TMEM175: variants seen among roughly 807,000 people sequenced by gnomAD.
TMEM175 encodes the protein transmembrane protein 175, also known as endosomal/lysosomal proton channel TMEM175.
Under a neutral mutation model 36.5 loss-of-function variants are expected in TMEM175, and 36 were observed. That is an observed-to-expected ratio of 0.99 (90% CI 0.76 to 1.30). The LOEUF is 1.30. Among genes scored for constraint, TMEM175 ranks in the 50% most tolerant of loss-of-function variants. The pLI, the probability that TMEM175 is intolerant of heterozygous loss-of-function variation, is 0.00. For missense variants in TMEM175, 705 were observed against 692.8 expected, an observed-to-expected ratio of 1.02 and a Z score of -0.20; for synonymous variants, 339 against 313.4, an observed-to-expected ratio of 1.08 and a Z score of -0.86.
At position 948,384 on chromosome 4, in the gene TMEM175, C is replaced by T. The variant is rs752665291; in HGVS notation, c.192+230C>T. On this transcript the variant is annotated intron_variant, in intron 3 of 10. Transcript: ENST00000264771. Reference sequence around the variant, plus strand: ...CCTCCTGGGAGGGTGGGAGACTGGGCTCCTAGGGCTCTGTTTCCGAGTTCA... The same window carrying T: ...CCTCCTGGGAGGGTGGGAGACTGGGTTCCTAGGGCTCTGTTTCCGAGTTCA... 3.2e-5 allele frequency: 49 copies of T among 1,530,478 alleles called. No homozygotes were observed. The South Asian group carries it at 4.8e-4, about 15-fold the overall frequency. 94.8% of individuals were successfully genotyped at this position (1,530,478 alleles called of 1,614,324 possible).
intron 1 of TMEM175, among the ~76,000 whole-genome samples, chr4:939,809 A>G (rs73209888): frequency 0.034 from 5,135 of 152,350 alleles, 132 homozygotes; most frequent in Non-Finnish European, 0.054. Context: ...CTAAAACTAT[A>G]AAACTCATGG....
At chr4:948,346 G>C in intron 3 of TMEM175, 192 bp downstream of exon 3, 1 of 1,536,034 alleles carries the variant, frequency 6.5e-7, no homozygotes, top group Non-Finnish European at 8.7e-7. Flanking sequence ...GCTCACCCCG[G>C]CGGAGGTCCT....
chr4:933,621 GAC>G, intron 1 of TMEM175, among the ~76,000 whole-genome samples: 1 of 152,308 alleles, frequency 6.6e-6, no homozygotes, highest in East Asian at 1.9e-4. Flanking sequence ...CTTGAGGTAA[GAC>G]ACAGTCATTT....
chr4:957,548 C>T (rs776033425), intron 10 of TMEM175, among the ~76,000 whole-genome samples: 66 of 152,376 alleles, frequency 4.3e-4, no homozygotes, highest in Middle Eastern at 3.4e-3. Flanking sequence ...CAGCCCAGGG[C>T]CCCCAGCAGC....
At chr4:954,445 A>T (rs1415113999) in intron 8 of TMEM175, among the ~76,000 whole-genome samples, 1 of 152,184 alleles carries the variant, frequency 6.6e-6, no homozygotes, top group East Asian at 1.9e-4. Context: ...GAGAGGGAGA[A>T]GGCAACAAAA....
In TMEM175 at chr4:947,714, T is replaced by G; in HGVS notation, c.-26T>G. ...AGACCTGCCTTTCCTCCCAGGCTCC[T>G]GTAACCGCCAGGCAGCGGCCCCGCC... On this transcript the variant is annotated 5_prime_UTR_variant, in exon 2 of 11. Coordinates refer to ENST00000264771, the MANE Select transcript of TMEM175 (RefSeq NM_032326.4). 1 of 1,580,672 alleles carries G rather than the reference T, an allele frequency of 6.3e-7. No individual in the cohort carries two copies. Among genetic ancestry groups the G allele is most frequent in the Non-Finnish European group, 8.6e-7 (1 of 1,162,260 alleles).
chr4:936,888 C>T (rs550566931), intron 1 of TMEM175, among the ~76,000 whole-genome samples: 2 of 151,606 alleles, frequency 1.3e-5, no homozygotes, highest in African/African-American at 2.4e-5. Context: ...ACCAGAGAGT[C>T]GGAGGTTGCA....
chr4:957,281 C>T (rs189983528), intron 10 of TMEM175, among the ~76,000 whole-genome samples: 7 of 152,330 alleles, frequency 4.6e-5, no homozygotes, highest in Admixed American at 1.3e-4. Context: ...ACACTGTTCC[C>T]GGCTTTCTGG....
chr4:952,038 T>C, intron 6 of TMEM175: 1 of 583,286 alleles, frequency 1.7e-6, no homozygotes, highest in South Asian at 2.0e-5. Context: ...CCTGTACTAC[T>C]CAGGCTGTGA....
intron 1 of TMEM175, among the ~76,000 whole-genome samples, chr4:936,982 A>G (rs1470677410): frequency 6.6e-6 from 1 of 152,114 alleles, no homozygotes; most frequent in Non-Finnish European, 1.5e-5. Context: ...ATTGTGTTGT[A>G]TGAAAGGATG....
intron 1 of TMEM175, among the ~76,000 whole-genome samples, chr4:940,255 C>G (rs1166788056): frequency 6.6e-6 from 1 of 152,106 alleles, no homozygotes; most frequent in African/African-American, 2.4e-5. Flanking sequence ...TCGAGACCAG[C>G]CTGGCCAACA....
At chr4:938,894 T>G (rs575808890) in intron 1 of TMEM175, among the ~76,000 whole-genome samples, 25 of 152,342 alleles carry the variant, frequency 1.6e-4, no homozygotes, top group Middle Eastern at 3.4e-3. Flanking sequence ...ATTCTAAAAT[T>G]TACTTGGCTC....
At chr4:949,647 G>T (rs1432101791) in intron 3 of TMEM175, among the ~76,000 whole-genome samples, 3 of 151,088 alleles carry the variant, frequency 2.0e-5, no homozygotes, top group African/African-American at 7.4e-5. Context: ...AGAACCAAGG[G>T]AGACAGTAAA....
At position 957,911 on chromosome 4, in the gene TMEM175, C is replaced by T; in HGVS notation, c.930C>T (p.Phe310=). The change falls in exon 11 of 11, where the codon TTC becomes TTT. Residue 310 remains phenylalanine (F), a synonymous_variant. Coordinates refer to ENST00000264771, the MANE Select transcript of TMEM175 (RefSeq NM_032326.4). ...VAALSATGPR[F]LAYFGSFATV... ...CCCTGAGTGCGACCGGGCCGCGCTT[C>T]CTGGCGTACTTCGGCTCCTTCGCCA... The T allele has an allele frequency of 6.2e-7, 1 of 1,612,902 alleles. No homozygotes were observed. Among genetic ancestry groups the T allele is most frequent in the Non-Finnish European group, 8.5e-7 (1 of 1,179,980 alleles).
chr4:954,525 G>T (rs893432948), intron 8 of TMEM175, among the ~76,000 whole-genome samples: 1 of 152,216 alleles, frequency 6.6e-6, no homozygotes, highest in Admixed American at 6.5e-5. Context: ...TGTAGCTGCC[G>T]TGAGTGGCGC....
At chr4:933,445 C>A (rs1048505471) in intron 1 of TMEM175, among the ~76,000 whole-genome samples, 3 of 152,050 alleles carry the variant, frequency 2.0e-5, no homozygotes, top group African/African-American at 7.2e-5. Flanking sequence ...AGGCGGGCGC[C>A]ACTGTACCCT....
At chr4:942,448 C>T (rs903245980) in intron 1 of TMEM175, among the ~76,000 whole-genome samples, 1 of 152,154 alleles carries the variant, frequency 6.6e-6, no homozygotes, top group Non-Finnish European at 1.5e-5. Flanking sequence ...CGAGTGGTCT[C>T]GGCATCCTTG....
In TMEM175 at chr4:947,672, G is replaced by A. The variant is rs780575290; in HGVS notation, c.-31-37G>A. On this transcript the variant is annotated intron_variant, in intron 1 of 10. Coordinates refer to ENST00000264771, the MANE Select transcript of TMEM175 (RefSeq NM_032326.4). The stretch of plus-strand genomic sequence containing the variant: ...GGCTGCATGGCCGACCTCCAGGAGC[G>A]CCCCACAGGCACACTCAGACCTGCC... 372 of 1,525,518 alleles carry A rather than the reference G, an allele frequency of 2.4e-4. 2 individuals carry two copies. Among genetic ancestry groups the A allele is most frequent in the Non-Finnish European group, 3.0e-4 (337 of 1,133,256 alleles). The allele number at this position is 1,525,518 out of a possible 1,614,324, so 94.5% of individuals were successfully genotyped here.
chr4:946,324 C>T (rs766451665), intron 1 of TMEM175, among the ~76,000 whole-genome samples: 3 of 152,270 alleles, frequency 2.0e-5, no homozygotes, highest in Admixed American at 6.5e-5. Flanking sequence ...AGGTGGGGCT[C>T]AGCCAACATG....
Sources: gnomAD v4.1 joint callset for allele counts (sites outside exome capture counted in the v4.1 genomes callset) on GRCh38, gnomAD v4.1.1 for gene constraint, MANE v1.5 for transcripts, NCBI Gene and HGNC (gene_info 2026-07-23, HGNC 2026-07-21) for gene names.